Variants in LRP1B observed in about 807,000 individuals in gnomAD.
LRP1B encodes the protein LDL receptor related protein 1B.
A neutral mutation model predicts 556.6 loss-of-function variants in LRP1B; 217 were observed. The observed-to-expected ratio is 0.39, with a 90% CI of 0.35 to 0.44. The LOEUF is 0.44. Among genes scored for constraint, LRP1B ranks in the 20% least tolerant of loss-of-function variants. The pLI is 1.00. For missense variants in LRP1B, 5,053 were observed against 5,620.8 expected (o/e 0.90, Z 3.23); for synonymous variants, 2,047 against 1,865.8 (o/e 1.10, Z -2.50).
intron 66 of LRP1B, among the ~76,000 whole-genome samples, chr2:140,430,027 C>T (rs1685851229): frequency 6.6e-6 from 1 of 152,154 alleles, no homozygotes; most frequent in African/African-American, 2.4e-5. Flanking sequence ...ACACCTGACC[C>T]CCATGACTGC....
At chr2:141,561,708 A>T (rs893538191) in intron 2 of LRP1B, among the ~76,000 whole-genome samples, 8 of 151,790 alleles carry the variant, frequency 5.3e-5, no homozygotes, top group African/African-American at 1.9e-4. Context: ...TCTCCTTCTA[A>T]TCTGTAATTA....
chr2:141,724,093 G>A (rs574214224), intron 2 of LRP1B, among the ~76,000 whole-genome samples: 3 of 151,906 alleles, frequency 2.0e-5, no homozygotes, highest in Non-Finnish European at 4.4e-5. Context: ...GTACCTTGAT[G>A]ACTCAATCAG....
chr2:141,536,144 ATGTT>A (rs1292862790), intron 2 of LRP1B, among the ~76,000 whole-genome samples: 1 of 152,112 alleles, frequency 6.6e-6, no homozygotes, highest in Admixed American at 6.6e-5. Context: ...ACACTTTAAA[ATGTT>A]TATTTAAACC....
At chr2:140,830,499 G>T (rs967440429) in intron 31 of LRP1B, among the ~76,000 whole-genome samples, 11 of 151,900 alleles carry the variant, frequency 7.2e-5, no homozygotes, top group Admixed American at 7.2e-4. Flanking sequence ...AAGGACAAAA[G>T]ACATATAATC....
At chr2:140,582,927 T>TGG (rs1681830663) in intron 43 of LRP1B, among the ~76,000 whole-genome samples, 1 of 152,130 alleles carries the variant, frequency 6.6e-6, no homozygotes. Flanking sequence ...TTTTACATGT[T>TGG]GGGGTGATTT....
At chr2:142,093,975 C>T (rs1290957776) in intron 1 of LRP1B, among the ~76,000 whole-genome samples, 1 of 152,006 alleles carries the variant, frequency 6.6e-6, no homozygotes, top group African/African-American at 2.4e-5. Context: ...TTCTCACAAC[C>T]TAGAGGCTGG....
intron 35 of LRP1B, among the ~76,000 whole-genome samples, chr2:140,748,798 A>ATGAT (rs1559094714): frequency 4.6e-4 from 1 of 2,174 alleles, no homozygotes; most frequent in African/African-American, 9.1e-4. Context: ...TATATTATAT[A>ATGAT]CATATTATAT....
chr2:141,176,666 A>G (rs1680750017), intron 7 of LRP1B, among the ~76,000 whole-genome samples: 1 of 152,042 alleles, frequency 6.6e-6, no homozygotes. Context: ...TTCTCTGATT[A>G]TGTTTTCAAA....
intron 32 of LRP1B, among the ~76,000 whole-genome samples, chr2:140,811,569 G>A (rs1690926508): frequency 2.0e-5 from 3 of 151,946 alleles, no homozygotes; most frequent in South Asian, 2.1e-4. Context: ...GATAGTTTGG[G>A]TTTCATAAAG....
At chr2:140,451,554 T>G (rs953596225) in intron 62 of LRP1B, among the ~76,000 whole-genome samples, 3 of 152,226 alleles carry the variant, frequency 2.0e-5, no homozygotes, top group Non-Finnish European at 2.9e-5. Flanking sequence ...TTTCCAGCTC[T>G]GTCATGCTGT....
chr2:140,889,624 T>G (rs1693740004), intron 23 of LRP1B, among the ~76,000 whole-genome samples: 1 of 152,134 alleles, frequency 6.6e-6, no homozygotes, highest in Non-Finnish European at 1.5e-5. Flanking sequence ...AATCCCAATT[T>G]ACACAGTCCT....
At chr2:140,611,109 T>C (rs1217638077) in intron 41 of LRP1B, among the ~76,000 whole-genome samples, 1 of 152,210 alleles carries the variant, frequency 6.6e-6, no homozygotes, top group Non-Finnish European at 1.5e-5. Flanking sequence ...TAAATTATCA[T>C]CCCCATTTTT....
intron 79 of LRP1B, among the ~76,000 whole-genome samples, chr2:140,330,208 TAA>T (rs1491210235): frequency 1.2e-5 from 1 of 82,072 alleles, no homozygotes; most frequent in Non-Finnish European, 2.8e-5. Context: ...TCAATAATAA[TAA>T]TAATAATAAT....
At chr2:141,916,087 A>G (rs543665051) in intron 1 of LRP1B, among the ~76,000 whole-genome samples, 2 of 152,294 alleles carry the variant, frequency 1.3e-5, no homozygotes, top group African/African-American at 4.8e-5. Context: ...ATATTTCAAC[A>G]AAAATTGAAT....
intron 18 of LRP1B, among the ~76,000 whole-genome samples, chr2:140,974,528 T>A (rs952069414): frequency 6.6e-6 from 1 of 152,212 alleles, no homozygotes; most frequent in African/African-American, 2.4e-5. Flanking sequence ...TTCTAAATGT[T>A]CATATATTGA....
At chr2:140,568,619 G>A (rs1010226436) in intron 43 of LRP1B, among the ~76,000 whole-genome samples, 2 of 152,086 alleles carry the variant, frequency 1.3e-5, no homozygotes, top group African/African-American at 4.8e-5. Context: ...TAAACAGTCA[G>A]ATTCAGGAAG....
chr2:141,453,655 C>T (rs1259049569), intron 3 of LRP1B, among the ~76,000 whole-genome samples: 1 of 152,162 alleles, frequency 6.6e-6, no homozygotes, highest in Non-Finnish European at 1.5e-5. Flanking sequence ...CAGCGGCCCA[C>T]ACCTGTAATC....
At chr2:140,929,393 A>C (rs183047085) in intron 20 of LRP1B, among the ~76,000 whole-genome samples, 2 of 152,176 alleles carry the variant, frequency 1.3e-5, no homozygotes, top group Admixed American at 1.3e-4. Context: ...CAGAGGAAAA[A>C]ATTAAATGGA....
chr2:141,961,820 C>G (rs553255202), intron 1 of LRP1B, among the ~76,000 whole-genome samples: 1 of 151,648 alleles, frequency 6.6e-6, no homozygotes, highest in Admixed American at 6.6e-5. Context: ...GCCACCAATG[C>G]CCATTGAAGG....
Sources: gnomAD v4.1 joint callset for allele counts (sites outside exome capture counted in the v4.1 genomes callset) on GRCh38, gnomAD v4.1.1 for gene constraint, MANE v1.5 for transcripts, NCBI Gene and HGNC (gene_info 2026-07-23, HGNC 2026-07-21) for gene names.